The following DCDC1 variants were observed in gnomAD, a reference collection of about 807,000 sequenced individuals.
DCDC1 encodes doublecortin domain containing 1.
A neutral mutation model predicts 178.3 loss-of-function variants in DCDC1; 200 were observed. That is an observed-to-expected ratio of 1.12 (90% CI 1.00 to 1.26). The LOEUF is 1.26. Among genes scored for constraint, DCDC1 ranks in the 50% most tolerant of loss-of-function variants. The probability of loss-of-function intolerance (pLI) is 0.00; values close to 1 mark genes in which losing one functional copy is unlikely to be tolerated. For missense variants in DCDC1, 1,983 were observed against 1,749.2 expected, an observed-to-expected ratio of 1.13 and a Z score of -2.38; for synonymous variants, 690 against 604.8, an observed-to-expected ratio of 1.14 and a Z score of -2.07.
At chr11:30,958,156 TTAA>T (rs1234257062) in intron 20 of DCDC1, among the ~76,000 whole-genome samples, 1 of 152,178 alleles carries the variant, frequency 6.6e-6, no homozygotes, top group Non-Finnish European at 1.5e-5. Context: ...TGACACATTA[TTAA>T]TGATTTCACC....
intron 27 of DCDC1, 38 bp from the exon 28 acceptor site, chr11:30,911,458 T>C (rs1945443433): frequency 3.3e-6 from 5 of 1,515,628 alleles, no homozygotes; most frequent in Non-Finnish European, 4.5e-6. Context: ...CAAAGTAGCA[T>C]GACCAGATTA....
intron 23 of DCDC1, among the ~76,000 whole-genome samples, chr11:30,923,281 C>CA (rs1238550871): frequency 6.6e-6 from 1 of 152,072 alleles, no homozygotes; most frequent in Non-Finnish European, 1.5e-5. Context: ...TCTACTATCT[C>CA]ATTCTTTACA....
intron 9 of DCDC1, among the ~76,000 whole-genome samples, chr11:31,197,614 C>A (rs1373047076): frequency 6.6e-6 from 1 of 152,066 alleles, no homozygotes; most frequent in Admixed American, 6.6e-5. Flanking sequence ...GTATTCTCAA[C>A]CACCATGCAA....
intron 7 of DCDC1, among the ~76,000 whole-genome samples, chr11:31,267,645 C>T (rs771758109): frequency 7.9e-5 from 12 of 152,190 alleles, no homozygotes; most frequent in Non-Finnish European, 1.3e-4. Flanking sequence ...CTTGTTTACT[C>T]TTGTGGGTCA....
chr11:30,946,458 C>T (rs1348885554), intron 21 of DCDC1, among the ~76,000 whole-genome samples: 1 of 152,172 alleles, frequency 6.6e-6, no homozygotes, highest in Non-Finnish European at 1.5e-5. Context: ...AATGCTTTTG[C>T]TATTTTGAAT....
intron 21 of DCDC1, among the ~76,000 whole-genome samples, chr11:30,933,618 A>G (rs775770720): frequency 6.6e-6 from 1 of 152,220 alleles, no homozygotes; most frequent in Non-Finnish European, 1.5e-5. Context: ...TGTAATTTTC[A>G]GTTGTTACCT....
rs113317621 is a variant in DCDC1 at position 30,919,755 on chromosome 11, CAATT to C, written c.3293+1017_3293+1020del. 5.9e-3 allele frequency among the ~76,000 whole-genome samples: 897 copies of C among 152,236 alleles called. 11 individuals are homozygous for C. Among genetic ancestry groups the C allele is most frequent in the African/African-American group, 0.02 (850 of 41,546 alleles). ...ATATTCTTATAATTGAGGATAGAAA[CAATT>C]AATAACAATGATATATAAATTAGTT... On this transcript the variant is annotated intron_variant, in intron 25 of 38. Coordinates refer to ENST00000684477, the MANE Select transcript of DCDC1 (RefSeq NM_001387274.1).
chr11:30,954,974 C>T (rs950221971), intron 20 of DCDC1, among the ~76,000 whole-genome samples: 1 of 152,176 alleles, frequency 6.6e-6, no homozygotes, highest in African/African-American at 2.4e-5. Context: ...ATGGAAAGTT[C>T]ATTAATTCAG....
At chr11:30,911,265 A>G in intron 28 of DCDC1, 62 bp downstream of exon 28, 2 of 1,387,522 alleles carry the variant, frequency 1.4e-6, no homozygotes, top group East Asian at 5.0e-5. Context: ...ACAAGGAAGC[A>G]CAAAGCTTTA....
At chr11:30,969,040 A>T (rs1224526426) in intron 20 of DCDC1, among the ~76,000 whole-genome samples, 1 of 152,148 alleles carries the variant, frequency 6.6e-6, no homozygotes, top group Non-Finnish European at 1.5e-5. Context: ...AAATTTATTT[A>T]TGCTTAAATA....
intron 27 of DCDC1, among the ~76,000 whole-genome samples, chr11:30,914,272 G>A (rs552606884): frequency 6.6e-6 from 1 of 152,214 alleles, no homozygotes; most frequent in African/African-American, 2.4e-5. Context: ...TCAGCCCAGC[G>A]AGTTCTCCTT....
Position 30,900,365 on chromosome 11 carries a change from T to C in DCDC1, c.4644A>G (p.Glu1548=), listed in dbSNP as rs1240845187. 1 of 1,544,150 alleles carries C rather than the reference T, an allele frequency of 6.5e-7. No individual in the cohort carries two copies. Among genetic ancestry groups the C allele is most frequent in the Non-Finnish European group, 8.7e-7 (1 of 1,144,822 alleles). ...AGTTACCATTTGGAGGTAGAAATGG[T>C]TCACCACAAGACACCCAGATGGCAA... ...NPIAIWVSCG[E]PFLPPNALQK... Residue 1548 remains glutamate (E), a synonymous_variant, in exon 33 of 39, where the codon GAA becomes GAG. Coordinates refer to ENST00000684477, the MANE Select transcript of DCDC1 (RefSeq NM_001387274.1).
At chr11:31,069,033 A>G (rs895794662) in intron 18 of DCDC1, among the ~76,000 whole-genome samples, 3 of 151,800 alleles carry the variant, frequency 2.0e-5, no homozygotes, top group African/African-American at 7.3e-5. Flanking sequence ...TTGTATTTTT[A>G]GTAGAGACAG....
chr11:30,895,821 C>G (rs1164913989), intron 34 of DCDC1, among the ~76,000 whole-genome samples: 2 of 152,128 alleles, frequency 1.3e-5, no homozygotes, highest in Admixed American at 1.3e-4. Context: ...ATAGTTTTTA[C>G]CCAACTCTAT....
At chr11:31,069,298 T>A (rs189399138) in intron 18 of DCDC1, among the ~76,000 whole-genome samples, 1 of 152,306 alleles carries the variant, frequency 6.6e-6, no homozygotes, top group African/African-American at 2.4e-5. Context: ...TCCAAAACAT[T>A]AGCAAAAAGA....
chr11:30,986,235 A>G (rs989807411), intron 20 of DCDC1, among the ~76,000 whole-genome samples: 2 of 152,124 alleles, frequency 1.3e-5, no homozygotes, highest in African/African-American at 2.4e-5. Flanking sequence ...AGAAAAAAAA[A>G]AGGCAATAGT....
At chr11:31,124,789 T>A (rs1266640558) in intron 11 of DCDC1, among the ~76,000 whole-genome samples, 1 of 152,052 alleles carries the variant, frequency 6.6e-6, no homozygotes, top group Non-Finnish European at 1.5e-5. Context: ...TCAGATGGAT[T>A]AAATACTTAA....
At position 30,881,869 on chromosome 11, in the gene DCDC1, T is replaced by A. The variant is rs568311189; in HGVS notation, c.5083-561A>T. Among the ~76,000 whole-genome samples, 22 of 152,310 alleles carry A rather than the reference T, an allele frequency of 1.4e-4. No individual in the cohort carries two copies. The South Asian group carries it at 3.9e-3, about 27-fold the overall frequency. ...AGAGGCCTTATTAAACTTCTCTCAA[T>A]TTATCTTGAATACTTACTCACAAAA... is the stretch of plus-strand genomic sequence containing the variant. On this transcript the variant is annotated intron_variant, in intron 36 of 38. Coordinates refer to ENST00000684477, the MANE Select transcript of DCDC1 (RefSeq NM_001387274.1).
At chr11:30,947,902 G>A (rs1378650351) in intron 21 of DCDC1, among the ~76,000 whole-genome samples, 3 of 151,946 alleles carry the variant, frequency 2.0e-5, no homozygotes, top group Non-Finnish European at 4.4e-5. Context: ...AAAAAAGTGG[G>A]CAAAAGAGCT....
Sources: gnomAD v4.1 joint callset for allele counts (sites outside exome capture counted in the v4.1 genomes callset) on GRCh38, gnomAD v4.1.1 for gene constraint, MANE v1.5 for transcripts, NCBI Gene and HGNC (gene_info 2026-07-23, HGNC 2026-07-21) for gene names.